MTIF2: variants seen among roughly 807,000 people sequenced by gnomAD.
MTIF2 encodes translation initiation factor IF-2, mitochondrial.
MTIF2 carries 71 observed loss-of-function variants against 83.5 expected under a neutral mutation model. That is an observed-to-expected ratio of 0.85 (90% CI 0.70 to 1.04). The LOEUF (loss-of-function observed/expected upper bound fraction) is 1.04. Ranked by LOEUF, MTIF2 falls within the 50% of genes least tolerant of loss-of-function variation. The pLI, the probability that MTIF2 is intolerant of heterozygous loss-of-function variation, is 0.00. For missense variants in MTIF2, 957 were observed against 846.5 expected (o/e 1.13, Z -1.62); for synonymous variants, 319 against 287.1 (o/e 1.11, Z -1.12).
intron 14 of MTIF2, 117 bp from the exon 15 acceptor site, chr2:55,237,545 A>G (rs1271281135): frequency 1.1e-6 from 1 of 939,914 alleles, no homozygotes; most frequent in African/African-American, 1.7e-5. Flanking sequence ...ATTCATGCCT[A>G]GAAAAAAGTC....
intron 7 of MTIF2, among the ~76,000 whole-genome samples, chr2:55,253,630 C>G (rs1385346306): frequency 6.6e-6 from 1 of 152,114 alleles, no homozygotes; most frequent in African/African-American, 2.4e-5. Flanking sequence ...GCCTGGCCAA[C>G]ATGGGGAAAC....
intron 12 of MTIF2, 149 bp downstream of exon 12, chr2:55,243,266 AC>A (rs1344354982): frequency 9.6e-7 from 1 of 1,041,206 alleles, no homozygotes; most frequent in African/African-American, 1.6e-5. Context: ...ACGTACATTT[AC>A]AACAAAATCA....
At chr2:55,258,912 G>A (rs1390996358) in intron 5 of MTIF2, among the ~76,000 whole-genome samples, 1 of 151,948 alleles carries the variant, frequency 6.6e-6, no homozygotes, top group Non-Finnish European at 1.5e-5. Context: ...CCTGAGAGGT[G>A]GAGGTTGCAG....
intron 14 of MTIF2, among the ~76,000 whole-genome samples, chr2:55,238,925 TAATA>T: frequency 6.6e-6 from 1 of 152,294 alleles, no homozygotes; most frequent in South Asian, 2.1e-4. Flanking sequence ...AAACCTAAAA[TAATA>T]AATCTGTTAT....
intron 3 of MTIF2, 85 bp downstream of exon 3, chr2:55,267,475 TAAAAGAAAG>T (rs1678525077): frequency 6.5e-6 from 1 of 154,956 alleles, no homozygotes; most frequent in South Asian, 2.1e-4. Context: ...GAATATTTTT[TAAAAGAAAG>T]AAAAGAAATG....
At chr2:55,242,046 G>T (rs1249769163) in intron 13 of MTIF2, among the ~76,000 whole-genome samples, 2 of 151,804 alleles carry the variant, frequency 1.3e-5, no homozygotes, top group African/African-American at 4.8e-5. Flanking sequence ...CTCGGTGGGG[G>T]CTGTGGCAGG....
At chr2:55,264,589 T>G (rs747892655) in intron 3 of MTIF2, among the ~76,000 whole-genome samples, 23 of 152,100 alleles carry the variant, frequency 1.5e-4, no homozygotes, top group Non-Finnish European at 2.8e-4. Context: ...AAGCTTTTGT[T>G]ATTGTAACCC....
intron 14 of MTIF2, among the ~76,000 whole-genome samples, chr2:55,239,517 T>C (rs1331542388): frequency 6.6e-6 from 1 of 152,080 alleles, no homozygotes; most frequent in African/African-American, 2.4e-5. Context: ...ACACAAAATC[T>C]ACGTGGGGAG....
At chr2:55,252,753 T>C in intron 7 of MTIF2, 100 bp from the exon 8 acceptor site, 1 of 799,662 alleles carries the variant, frequency 1.3e-6, no homozygotes, top group South Asian at 2.4e-5. Flanking sequence ...AATAATTCTT[T>C]AAAATAATTT....
intron 5 of MTIF2, 64 bp downstream of exon 5, chr2:55,262,252 T>G (rs878983358): frequency 1.8e-6 from 2 of 1,099,246 alleles, no homozygotes; most frequent in South Asian, 2.6e-5. Context: ...TTAATCTCGT[T>G]GCAAATAAAA....
intron 5 of MTIF2, among the ~76,000 whole-genome samples, chr2:55,261,477 G>T (rs1295131123): frequency 6.6e-6 from 1 of 151,780 alleles, no homozygotes; most frequent in Non-Finnish European, 1.5e-5. Context: ...CGTGGTTGTG[G>T]GCACCTGTAA....
At chr2:55,255,120 T>C (rs969250377) in intron 5 of MTIF2, among the ~76,000 whole-genome samples, 4 of 151,812 alleles carry the variant, frequency 2.6e-5, no homozygotes, top group Admixed American at 6.6e-5. Context: ...TTTATAATAA[T>C]TGATTGTAGT....
chr2:55,260,113 A>T (rs965964945), intron 5 of MTIF2, among the ~76,000 whole-genome samples: 3 of 152,174 alleles, frequency 2.0e-5, no homozygotes, highest in African/African-American at 7.2e-5. Flanking sequence ...TAAAAATGCC[A>T]AACAGGCCAG....
Position 55,237,374 on chromosome 2 carries a change from G to A in MTIF2, c.1925C>T (p.Pro642Leu). The change falls in exon 15 of 16, where the codon CCT (proline) becomes CTT (leucine). Residue 642 changes from proline (P) to leucine (L), a missense_variant. Transcript: ENST00000263629. ...CTTTTGGACTCTGCAGCCAGCCACAGGAACTTTTTTCTTCCCTTCTGTTAC... is the reference window on the plus strand; with the variant it reads ...CTTTTGGACTCTGCAGCCAGCCACAAGAACTTTTTTCTTCCCTTCTGTTAC... ...FSVTEGKKKVPVAGCRVQKGQ... is the reference protein window; with the variant it reads ...FSVTEGKKKVLVAGCRVQKGQ... 1 of 1,612,864 alleles carries A rather than the reference G, an allele frequency of 6.2e-7. No homozygotes were observed. The highest frequency in any genetic ancestry group is 8.5e-7 in the Non-Finnish European group (1 of 1,179,922).
chr2:55,251,994 T>C (rs1308281758), intron 8 of MTIF2, among the ~76,000 whole-genome samples: 4 of 152,208 alleles, frequency 2.6e-5, no homozygotes, highest in African/African-American at 7.2e-5. Flanking sequence ...AGGGAGAAGA[T>C]GGTTAAGTGA....
chr2:55,243,547 C>T lies in MTIF2; in HGVS notation c.1433G>A (p.Arg478His), dbSNP rs146994235. Residue 478 changes from arginine (R) to histidine (H), a missense_variant, in exon 12 of 16, where the codon CGT becomes CAT. Physicochemically the swap from Arg to His is conservative, Grantham distance 29. This residue lies in a region of MTIF2 where 733 missense variants were observed against 648.7 expected (regional missense o/e 1.13). Coordinates refer to ENST00000263629, the MANE Select transcript of MTIF2 (RefSeq NM_002453.3). Reference protein sequence around the residue: ...KEHKEAHQKAREKYGHLLWKK... With the variant: ...KEHKEAHQKAHEKYGHLLWKK... ...CCACAGTAGATGGCCATACTTCTCA[C>T]GGGCTTTCTGATGTGCTTCTTTGTG... is the stretch of plus-strand genomic sequence containing the variant. 183 of 1,613,964 alleles carry T rather than the reference C, an allele frequency of 1.1e-4. No individual in the cohort carries two copies. Among genetic ancestry groups the T allele is most frequent in the Non-Finnish European group, 1.4e-4 (171 of 1,180,006 alleles).
intron 3 of MTIF2, chr2:55,266,250 G>T (rs1300883218): frequency 6.6e-6 from 1 of 152,190 alleles, no homozygotes; most frequent in East Asian, 1.9e-4. Flanking sequence ...TTGGCCAGGC[G>T]CAGTGGCTCA....
chr2:55,254,887 A>G, intron 5 of MTIF2, 62 bp from the exon 6 acceptor site: 2 of 1,036,676 alleles, frequency 1.9e-6, no homozygotes, highest in Admixed American at 7.2e-5. Context: ...AGTAATCTCT[A>G]TTAATAAATG....
intron 11 of MTIF2, 60 bp downstream of exon 11, chr2:55,243,969 T>C (rs1676511060): frequency 7.4e-7 from 1 of 1,359,362 alleles, no homozygotes; most frequent in African/African-American, 1.5e-5. Context: ...TATAACATTG[T>C]AAACTGGCAT....
Sources: allele counts gnomAD v4.1 joint callset (sites outside exome capture counted in the v4.1 genomes callset), GRCh38; gene constraint gnomAD v4.1.1; regional missense constraint gnomAD v4.1.1; transcripts MANE v1.5; gene names NCBI Gene and HGNC (gene_info 2026-07-23, HGNC 2026-07-21).